TMEM131: variants seen among roughly 807,000 people sequenced by gnomAD.
The protein encoded by TMEM131 is transmembrane protein 131.
A neutral mutation model predicts 211.6 loss-of-function variants in TMEM131; 66 were observed. The observed-to-expected ratio is 0.31, with a 90% CI of 0.26 to 0.38. The LOEUF (loss-of-function observed/expected upper bound fraction) is 0.38. Among genes scored for constraint, TMEM131 ranks in the 10% least tolerant of loss-of-function variants. The pLI is 1.00. For missense variants in TMEM131, 2,036 were observed against 2,299.3 expected (o/e 0.89, Z 2.34); for synonymous variants, 844 against 841.3 (o/e 1.00, Z -0.06).
intron 1 of TMEM131, among the ~76,000 whole-genome samples, chr2:97,949,150 T>C (rs1452308404): frequency 6.6e-6 from 1 of 152,074 alleles, no homozygotes; most frequent in Non-Finnish European, 1.5e-5. Flanking sequence ...ATAAACAAAT[T>C]GTGATACAGC....
intron 1 of TMEM131, among the ~76,000 whole-genome samples, chr2:97,975,228 A>T (rs1401939351): frequency 6.6e-6 from 1 of 151,750 alleles, no homozygotes; most frequent in Non-Finnish European, 1.5e-5. Flanking sequence ...GAAAAATTAC[A>T]CTCTAAGTAA....
chr2:97,989,221 C>T (rs1318753587), intron 1 of TMEM131, among the ~76,000 whole-genome samples: 1 of 149,738 alleles, frequency 6.7e-6, no homozygotes, highest in Non-Finnish European at 1.5e-5. Context: ...TTTACAAAAT[C>T]ATCCGTGTTC....
chr2:97,805,537 TA>T lies in TMEM131; in HGVS notation c.2208+13del. On this transcript the variant is annotated intron_variant, in intron 20 of 40. Transcript: ENST00000186436. ...GTTAACCAATGGGAATTCTCAAATA[TA>T]ATATCTTCAAACCTTTGATTTTTTT... 3 of 1,609,764 alleles carry T rather than the reference TA, an allele frequency of 1.9e-6. No homozygotes were observed. Among genetic ancestry groups the T allele is most frequent in the Non-Finnish European group, 2.5e-6 (3 of 1,176,888 alleles).
At chr2:97,938,743 T>C (rs1166207585) in intron 1 of TMEM131, among the ~76,000 whole-genome samples, 2 of 152,142 alleles carry the variant, frequency 1.3e-5, no homozygotes, top group Admixed American at 6.5e-5. Context: ...CAGCACCACA[T>C]CGCACTTATT....
At chr2:97,775,784 T>G in intron 32 of TMEM131, 59 bp downstream of exon 32, 145 of 1,539,006 alleles carry the variant, frequency 9.4e-5, no homozygotes, top group Non-Finnish European at 1.1e-4. Flanking sequence ...GAAGGTCTTG[T>G]GAGCTGCAGG....
chr2:97,988,280 T>C (rs1040443459), intron 1 of TMEM131, among the ~76,000 whole-genome samples: 1 of 152,130 alleles, frequency 6.6e-6, no homozygotes, highest in Non-Finnish European at 1.5e-5. Flanking sequence ...AGTTATACCC[T>C]TTATCTTACA....
chr2:97,841,392 A>C (rs1489482540), intron 7 of TMEM131, among the ~76,000 whole-genome samples: 2 of 152,242 alleles, frequency 1.3e-5, no homozygotes, highest in African/African-American at 4.8e-5. Context: ...CCTTTCCCTG[A>C]ATTTTAATTT....
chr2:97,862,057 A>G (rs1319120285), intron 4 of TMEM131, among the ~76,000 whole-genome samples: 1 of 152,218 alleles, frequency 6.6e-6, no homozygotes, highest in Non-Finnish European at 1.5e-5. Context: ...TTTGGGAGAC[A>G]GTAAGGAAAG....
chr2:97,775,855 C>T lies in TMEM131; in HGVS notation c.4308G>A (p.Pro1436=), dbSNP rs61745536. ...TTETSNPDTE[P]LLKEDTEKQK... ...GATCAGCCCGTACCTCCTTGAGGAG[C>T]GGTTCTGTGTCAGGGTTGGAGGTCT... is the stretch of plus-strand genomic sequence containing the variant. The change falls in exon 32 of 41, where the codon CCG becomes CCA. Residue 1436 remains proline, a synonymous_variant. Coordinates refer to ENST00000186436, the MANE Select transcript of TMEM131 (RefSeq NM_015348.2). 1.4e-4 allele frequency: 219 copies of T among 1,612,858 alleles called. No individual in the cohort carries two copies. The highest frequency in any genetic ancestry group is 1.0e-3 in the African/African-American group (77 of 74,896).
intron 3 of TMEM131, among the ~76,000 whole-genome samples, chr2:97,894,286 T>G (rs772317846): frequency 3.9e-5 from 6 of 152,242 alleles, no homozygotes; most frequent in Non-Finnish European, 7.3e-5. Flanking sequence ...ACTGCAGCCT[T>G]GCAGAATAAT....
At chr2:97,776,048 CTT>C (rs2104818715) in intron 31 of TMEM131, 30 bp from the exon 32 acceptor site, 2 of 1,585,270 alleles carry the variant, frequency 1.3e-6, no homozygotes, top group South Asian at 1.2e-5. Flanking sequence ...TAAAAGAACT[CTT>C]GTTTTTGTTT....
intron 40 of TMEM131, among the ~76,000 whole-genome samples, chr2:97,758,564 G>C (rs765591310): frequency 6.6e-6 from 1 of 152,186 alleles, no homozygotes; most frequent in Non-Finnish European, 1.5e-5. Flanking sequence ...ACCTGCCATA[G>C]GCCTATGGTC....
chr2:97,773,782 T>C (rs1679582208), intron 32 of TMEM131, among the ~76,000 whole-genome samples: 1 of 152,184 alleles, frequency 6.6e-6, no homozygotes, highest in South Asian at 2.1e-4. Flanking sequence ...CTTGTATTTT[T>C]TTGTAGAAAT....
At chr2:97,763,129 G>C (rs6710813) in intron 35 of TMEM131, 110,616 of 152,156 alleles carry the variant, frequency 0.73, 41,547 homozygotes, top group Non-Finnish European at 0.78. Context: ...GAGTACCCCC[G>C]GCTCCACTTC....
intron 33 of TMEM131, among the ~76,000 whole-genome samples, chr2:97,771,477 G>A (rs1679459854): frequency 6.6e-6 from 1 of 152,112 alleles, no homozygotes; most frequent in Non-Finnish European, 1.5e-5. Flanking sequence ...CACTTATGAT[G>A]ACAGACAAGC....
chr2:97,930,469 A>C (rs915141625), intron 1 of TMEM131, among the ~76,000 whole-genome samples: 3 of 151,864 alleles, frequency 2.0e-5, no homozygotes, highest in African/African-American at 7.3e-5. Context: ...TAAAAATATG[A>C]ATGTTAGTTA....
chr2:97,941,331 G>T (rs1677716035), intron 1 of TMEM131, among the ~76,000 whole-genome samples: 1 of 152,058 alleles, frequency 6.6e-6, no homozygotes, highest in Non-Finnish European at 1.5e-5. Context: ...ATTCAAGATG[G>T]ATTAAAGACT....
intron 5 of TMEM131, among the ~76,000 whole-genome samples, chr2:97,851,952 G>A (rs1673641879): frequency 6.6e-6 from 1 of 152,172 alleles, no homozygotes; most frequent in African/African-American, 2.4e-5. Context: ...AGGTTAGTGA[G>A]GAAGACATGC....
intron 4 of TMEM131, among the ~76,000 whole-genome samples, chr2:97,864,574 AG>A (rs1343304764): frequency 6.6e-6 from 1 of 152,260 alleles, no homozygotes; most frequent in East Asian, 1.9e-4. Flanking sequence ...GGGCTAATTT[AG>A]GTTCCTTAAA....
Sources: gnomAD v4.1 joint callset for allele counts (sites outside exome capture counted in the v4.1 genomes callset) on GRCh38, gnomAD v4.1.1 for gene constraint, MANE v1.5 for transcripts, NCBI Gene and HGNC (gene_info 2026-07-23, HGNC 2026-07-21) for gene names.